Variants in GRM8 observed in about 807,000 individuals in gnomAD.
The protein encoded by GRM8 is glutamate metabotropic receptor 8, also known as metabotropic glutamate receptor 8.
In GRM8, 47 loss-of-function variants were observed where a neutral mutation model predicts 87.2. The observed-to-expected ratio is 0.54, with a 90% CI of 0.43 to 0.69. GRM8 has a LOEUF of 0.69. GRM8 is among the 30% of genes least tolerant of loss of function. The probability of loss-of-function intolerance (pLI) is 0.00; values close to 1 mark genes in which losing one functional copy is unlikely to be tolerated. For missense variants in GRM8, 1,019 were observed against 1,139.2 expected, an observed-to-expected ratio of 0.89 and a Z score of 1.52; for synonymous variants, 396 against 404.5, an observed-to-expected ratio of 0.98 and a Z score of 0.25.
rs111955994 is a variant in GRM8, at chr7:126,473,135, A to G, written c.2431-26763T>C. ...TGGGGCACTGCCTAGTGGAGCTGTG[A>G]GAAGAGGGCCACTGTCCTCCAGACC... On this transcript the variant is annotated intron_variant, in intron 9 of 10. Transcript: ENST00000339582. Among the ~76,000 whole-genome samples, 1,079 of 152,284 alleles carry G rather than the reference A, an allele frequency of 7.1e-3. 13 individuals carry two copies. The highest frequency in any genetic ancestry group is 0.025 in the African/African-American group (1,036 of 41,574).
intron 7 of GRM8, among the ~76,000 whole-genome samples, chr7:126,672,137 G>A (rs1056908530): frequency 4.6e-5 from 7 of 152,194 alleles, no homozygotes; most frequent in Non-Finnish European, 8.8e-5. Context: ...CATAAATGAG[G>A]ACTAAGGAAC....
intron 7 of GRM8, among the ~76,000 whole-genome samples, chr7:126,760,181 T>C (rs1817448818): frequency 6.6e-6 from 1 of 152,162 alleles, no homozygotes; most frequent in Non-Finnish European, 1.5e-5. Flanking sequence ...GGATTTATCA[T>C]TCATCCTGCT....
intron 2 of GRM8, among the ~76,000 whole-genome samples, chr7:127,219,156 C>CT (rs5887327): frequency 2.0e-5 from 3 of 151,252 alleles, no homozygotes; most frequent in Admixed American, 6.6e-5. Context: ...CATAGAAGAA[C>CT]TTTTTTTTTT....
intron 8 of GRM8, among the ~76,000 whole-genome samples, chr7:126,594,905 G>C (rs1187501388): frequency 6.6e-6 from 1 of 152,058 alleles, no homozygotes. Context: ...CTACCCTGCT[G>C]TTCTCTAAAT....
intron 3 of GRM8, chr7:126,981,623 C>T (rs913521429): frequency 6.6e-6 from 1 of 152,194 alleles, no homozygotes; most frequent in African/African-American, 2.4e-5. Flanking sequence ...CTCTCATGAG[C>T]CAATCACCTC....
At chr7:126,518,057 C>T in intron 9 of GRM8, among the ~76,000 whole-genome samples, 1 of 152,034 alleles carries the variant, frequency 6.6e-6, no homozygotes, top group East Asian at 1.9e-4. Context: ...CAACACTTTA[C>T]AATTTGTCAT....
chr7:126,483,741 TTCCCTCCCTCCC>T (rs71177560), intron 9 of GRM8, among the ~76,000 whole-genome samples: 26,236 of 57,280 alleles, frequency 0.46, 5,244 homozygotes, highest in Middle Eastern at 0.54. Context: ...CCCTTAGTAT[TTCCCTCCCTCCC>T]TCCCTCCCTC....
chr7:126,690,317 G>A (rs1045839215), intron 7 of GRM8, among the ~76,000 whole-genome samples: 23 of 152,228 alleles, frequency 1.5e-4, no homozygotes, highest in African/African-American at 2.2e-4. Context: ...GCAAGCAAGC[G>A]TGGGATCCAG....
intron 6 of GRM8, among the ~76,000 whole-genome samples, chr7:126,817,190 T>C (rs1211238281): frequency 1.3e-5 from 2 of 150,062 alleles, no homozygotes; most frequent in Admixed American, 6.6e-5. Context: ...GGTTACTAAC[T>C]GGATTACTTC....
At chr7:126,953,112 A>T (rs17865963) in intron 3 of GRM8, among the ~76,000 whole-genome samples, 401 of 152,232 alleles carry the variant, frequency 2.6e-3, no homozygotes, top group African/African-American at 9.3e-3. Context: ...AAGTTAAAAG[A>T]AAAGGTATTG....
chr7:127,210,167 C>G (rs17864159), intron 2 of GRM8, among the ~76,000 whole-genome samples: 1 of 152,090 alleles, frequency 6.6e-6, no homozygotes, highest in Admixed American at 6.5e-5. Flanking sequence ...TAGCTCAATG[C>G]CTGGATTATG....
intron 7 of GRM8, among the ~76,000 whole-genome samples, chr7:126,711,016 T>C (rs1811042003): frequency 6.6e-6 from 1 of 151,950 alleles, no homozygotes; most frequent in Admixed American, 6.6e-5. Flanking sequence ...CTACTAAAAA[T>C]AGAAAAAAAT....
At chr7:127,104,958 T>A (rs1372579628) in intron 3 of GRM8, among the ~76,000 whole-genome samples, 1 of 152,220 alleles carries the variant, frequency 6.6e-6, no homozygotes, top group Non-Finnish European at 1.5e-5. Context: ...TAGTAATCTA[T>A]CTCATGCACA....
At chr7:127,051,778 A>G (rs73450230) in intron 3 of GRM8, among the ~76,000 whole-genome samples, 7,628 of 149,950 alleles carry the variant, frequency 0.051, 231 homozygotes, top group South Asian at 0.12. Flanking sequence ...AGGTTATAAA[A>G]CAATGCATAC....
At chr7:127,036,915 C>T (rs1817903666) in intron 3 of GRM8, among the ~76,000 whole-genome samples, 1 of 152,140 alleles carries the variant, frequency 6.6e-6, no homozygotes, top group African/African-American at 2.4e-5. Flanking sequence ...GTTTTATAGT[C>T]ATCTTAATCT....
Position 127,193,666 on chromosome 7 carries a change from G to A in GRM8, c.510+49029C>T, listed in dbSNP as rs374146676. The stretch of plus-strand genomic sequence containing the variant: ...ACTTTGGGTCAAGAACGGTAGCTAT[G>A]GAACATATCCTAATAATCACCTTCT... On this transcript the variant is annotated intron_variant, in intron 2 of 10. Coordinates refer to ENST00000339582, the MANE Select transcript of GRM8 (RefSeq NM_000845.3). 2.2e-4 allele frequency among the ~76,000 whole-genome samples: 33 copies of A among 152,232 alleles called. 1 individual carries two copies. The South Asian group carries it at 3.7e-3, about 17-fold the overall frequency.
At chr7:126,671,740 C>CT (rs563136464) in intron 7 of GRM8, among the ~76,000 whole-genome samples, 69 of 152,238 alleles carry the variant, frequency 4.5e-4, no homozygotes, top group African/African-American at 1.6e-3. Flanking sequence ...CAGAGGTTTC[C>CT]TTTTTGGGAA....
intron 8 of GRM8, among the ~76,000 whole-genome samples, chr7:126,578,353 G>A (rs1795296021): frequency 6.6e-6 from 1 of 152,144 alleles, no homozygotes; most frequent in Non-Finnish European, 1.5e-5. Context: ...AGATCGAATG[G>A]AAATAACAGA....
At chr7:126,986,736 C>T (rs1225569050) in intron 3 of GRM8, among the ~76,000 whole-genome samples, 1 of 152,144 alleles carries the variant, frequency 6.6e-6, no homozygotes, top group Non-Finnish European at 1.5e-5. Context: ...ACATGAGCTT[C>T]AGGCCACTAG....
Sources: gnomAD v4.1 joint callset for allele counts (sites outside exome capture counted in the v4.1 genomes callset) on GRCh38, gnomAD v4.1.1 for gene constraint, MANE v1.5 for transcripts, NCBI Gene and HGNC (gene_info 2026-07-23, HGNC 2026-07-21) for gene names.